MIGA1: variants seen among roughly 807,000 people sequenced by gnomAD.
The protein encoded by MIGA1 is family with sequence similarity 73, member A.
Under a neutral mutation model 82.0 loss-of-function variants are expected in MIGA1, and 58 were observed. The ratio of observed to expected loss-of-function variants is 0.71; its 90% confidence interval spans 0.57 to 0.88. The LOEUF is 0.88. MIGA1 is among the 40% of genes least tolerant of loss of function. The pLI, the probability that MIGA1 is intolerant of heterozygous loss-of-function variation, is 0.00. For synonymous variants in MIGA1, 249 were observed against 253.6 expected (o/e 0.98, Z 0.17); for missense variants, 751 against 749.1 (o/e 1.00, Z -0.03).
intron 10 of MIGA1, chr1:77,859,718 T>G (rs1685393448): frequency 2.7e-6 from 1 of 372,952 alleles, no homozygotes; most frequent in East Asian, 4.6e-5. Context: ...CAGTCAATTA[T>G]AAAATTGATT....
In MIGA1 at chr1:77,874,933, C is replaced by T. The variant is rs1477172263; in HGVS notation, c.1768C>T (p.Gln590Ter). 1.2e-6 allele frequency: 2 copies of T among 1,614,102 alleles called. No individual in the cohort carries two copies. Among genetic ancestry groups the T allele is most frequent in the Non-Finnish European group, 1.7e-6 (2 of 1,179,968 alleles). Residue 590 changes from glutamine to a stop codon, truncating the protein, a stop_gained, in exon 16 of 16, where the codon CAG becomes TAG. Coordinates refer to ENST00000370791, the MANE Select transcript of MIGA1 (RefSeq NM_198549.4). LOFTEE classifies it high-confidence loss of function. ...AGAGACTTTAGCTGAAGACCTCATGCAGTTACTCATTCGCCGCACTGAGCT... is the reference window on the plus strand; with the variant it reads ...AGAGACTTTAGCTGAAGACCTCATGTAGTTACTCATTCGCCGCACTGAGCT...
chr1:77,821,181 C>G (rs893640892), intron 7 of MIGA1, among the ~76,000 whole-genome samples: 2 of 151,614 alleles, frequency 1.3e-5, no homozygotes, highest in Non-Finnish European at 1.5e-5. Context: ...ATAATAGAGT[C>G]TAAGGTTTAC....
chr1:77,808,713 A>G (rs1019921291), intron 5 of MIGA1, among the ~76,000 whole-genome samples: 1 of 152,234 alleles, frequency 6.6e-6, no homozygotes, highest in Non-Finnish European at 1.5e-5. Context: ...AATAAAAAAC[A>G]AAACCAGTAA....
intron 7 of MIGA1, among the ~76,000 whole-genome samples, chr1:77,830,722 G>A (rs1264558774): frequency 1.3e-5 from 2 of 152,100 alleles, no homozygotes; most frequent in East Asian, 3.9e-4. Flanking sequence ...ATATTTCCCT[G>A]TGGCTATAGC....
At chr1:77,869,598 G>T (rs1238400248) in intron 14 of MIGA1, among the ~76,000 whole-genome samples, 15 of 143,136 alleles carry the variant, frequency 1.0e-4, no homozygotes, top group Admixed American at 1.0e-3. Context: ...CCTCCCGGAC[G>T]AGGCGGCTGG....
At chr1:77,819,922 C>T (rs573081872) in intron 7 of MIGA1, among the ~76,000 whole-genome samples, 1 of 152,118 alleles carries the variant, frequency 6.6e-6, no homozygotes, top group Admixed American at 6.5e-5. Context: ...TATTGACTTA[C>T]CACTTATAGG....
chr1:77,834,572 C>G (rs1042146902), intron 7 of MIGA1, among the ~76,000 whole-genome samples: 1 of 152,166 alleles, frequency 6.6e-6, no homozygotes, highest in Non-Finnish European at 1.5e-5. Context: ...TTATAACTGT[C>G]TTAGTTTTTC....
In MIGA1 at chr1:77,858,958, A is replaced by G. The variant is rs1479705247; in HGVS notation, c.1017A>G (p.Val339=). Residue 339 remains valine, a synonymous_variant, in exon 9 of 16, where the codon GTA becomes GTG. Transcript: ENST00000370791. ...CTTAGCTTGCAGAACACAGAGAAGT[A>G]CGGCATACCTACAGCCTGGAGTCCC... 2.5e-6 allele frequency: 4 copies of G among 1,612,374 alleles called. No homozygotes were observed. The highest frequency in any genetic ancestry group is 1.6e-4 in the Middle Eastern group (1 of 6,082).
chr1:77,791,264 A>C (rs76848515), intron 2 of MIGA1, among the ~76,000 whole-genome samples: 6 of 150,818 alleles, frequency 4.0e-5, no homozygotes, highest in Non-Finnish European at 5.9e-5. Context: ...AAAAAAAAAA[A>C]ACAAAAAACT....
At chr1:77,801,720 A>G (rs968912392) in intron 3 of MIGA1, among the ~76,000 whole-genome samples, 9 of 152,202 alleles carry the variant, frequency 5.9e-5, no homozygotes, top group Admixed American at 4.6e-4. Context: ...ATAACTACTG[A>G]TAATACTTTC....
rs575228587 is a variant in MIGA1 at position 77,797,319 on chromosome 1, A to C, written c.196-4012A>C. On this transcript the variant is annotated intron_variant, in intron 2 of 15. Transcript: ENST00000370791. ...TACCTTTGACAAAAATAGATTGACTATATGTTTGTGTGTGTTTCTTGCAGG... is the reference window on the plus strand; with the variant it reads ...TACCTTTGACAAAAATAGATTGACTCTATGTTTGTGTGTGTTTCTTGCAGG... Among the ~76,000 whole-genome samples the C allele has an allele frequency of 2.6e-5, 4 of 152,302 alleles. No individual in the cohort carries two copies. In the South Asian group the frequency reaches 8.3e-4, roughly 32 times the overall value.
intron 15 of MIGA1, among the ~76,000 whole-genome samples, chr1:77,874,589 C>T (rs1646879031): frequency 6.6e-6 from 1 of 151,952 alleles, no homozygotes; most frequent in African/African-American, 2.4e-5. Context: ...CATAGGTTAT[C>T]TTTTTTGATC....
rs1646914677 is a variant in MIGA1, at chr1:77,878,846, C to T, written c.*3782C>T. 5.3e-6 allele frequency: 2 copies of T among 377,388 alleles called. No individual in the cohort carries two copies. The highest frequency in any genetic ancestry group is 4.6e-5 in the Admixed American group (1 of 21,842). 23.4% of individuals were successfully genotyped at this position (377,388 alleles called of 1,614,324 possible). On this transcript the variant is annotated 3_prime_UTR_variant, in exon 16 of 16. Coordinates refer to ENST00000370791, the MANE Select transcript of MIGA1 (RefSeq NM_198549.4). ...TACTGTCACAGTAAGCTCCAAAGAA[C>T]TTTGTCTTTCTCATAAAGTAATATT...
intron 7 of MIGA1, among the ~76,000 whole-genome samples, chr1:77,841,516 AT>A (rs1684626305): frequency 6.6e-6 from 1 of 150,938 alleles, no homozygotes; most frequent in Non-Finnish European, 1.5e-5. Flanking sequence ...AATATAATTG[AT>A]TGTACAACTT....
chr1:77,801,733 G>A (rs1682892839), intron 3 of MIGA1, among the ~76,000 whole-genome samples: 1 of 152,086 alleles, frequency 6.6e-6, no homozygotes, highest in African/African-American at 2.4e-5. Flanking sequence ...ATACTTTCAT[G>A]TATATCAGTC....
At chr1:77,798,700 C>G (rs2101739747) in intron 2 of MIGA1, among the ~76,000 whole-genome samples, 1 of 152,278 alleles carries the variant, frequency 6.6e-6, no homozygotes, top group South Asian at 2.1e-4. Flanking sequence ...TGGCCTTCCC[C>G]TTTGTGTATT....
chr1:77,854,230 A>G (rs1012882079), intron 8 of MIGA1, among the ~76,000 whole-genome samples: 1 of 152,124 alleles, frequency 6.6e-6, no homozygotes, highest in Non-Finnish European at 1.5e-5. Context: ...CATCCTTTTT[A>G]TGGCTGCACA....
chr1:77,811,557 T>C (rs1040936086), intron 5 of MIGA1: 9 of 1,610,074 alleles, frequency 5.6e-6, no homozygotes, highest in Admixed American at 1.7e-5. Flanking sequence ...ACTGTAAAGC[T>C]GCACTTCGCA....
At chr1:77,830,104 T>A (rs1192724637) in intron 7 of MIGA1, among the ~76,000 whole-genome samples, 3 of 152,180 alleles carry the variant, frequency 2.0e-5, no homozygotes, top group African/African-American at 7.2e-5. Flanking sequence ...TGCTTTTCCA[T>A]GTGAAGTTTA....
Sources: gnomAD v4.1 joint callset for allele counts (sites outside exome capture counted in the v4.1 genomes callset) on GRCh38, gnomAD v4.1.1 for gene constraint, MANE v1.5 for transcripts, NCBI Gene and HGNC (gene_info 2026-07-23, HGNC 2026-07-21) for gene names.